Variants in PAPOLA observed in about 807,000 individuals in gnomAD.
PAPOLA encodes poly(A) polymerase alpha.
Under a neutral mutation model 100.6 loss-of-function variants are expected in PAPOLA, and 15 were observed. That is an observed-to-expected ratio of 0.15 (90% CI 0.10 to 0.23). The LOEUF is 0.23. Ranked by LOEUF, PAPOLA falls within the 10% of genes least tolerant of loss-of-function variation. The pLI is 1.00. For synonymous variants in PAPOLA, 293 were observed against 300.0 expected (o/e 0.98, Z 0.24); for missense variants, 533 against 884.2 (o/e 0.60, Z 5.04).
chr14:96,507,254 T>TA (rs1338803390), intron 1 of PAPOLA, among the ~76,000 whole-genome samples: 1 of 151,814 alleles, frequency 6.6e-6, no homozygotes, highest in Non-Finnish European at 1.5e-5. Context: ...ATGCCATTCT[T>TA]ACTAAATTTT....
intron 1 of PAPOLA, 34 bp from the exon 2 acceptor site, chr14:96,520,021 T>C: frequency 6.5e-7 from 1 of 1,527,984 alleles, no homozygotes; most frequent in Non-Finnish European, 8.9e-7. Flanking sequence ...TGTAGAATTC[T>C]TTTGGCAGTA....
chr14:96,535,926 A>G lies in PAPOLA; in HGVS notation c.957A>G (p.Ala319=), dbSNP rs1208808704. The G allele has an allele frequency of 2.5e-6, 4 of 1,609,076 alleles. No homozygotes were observed. The African/African-American group carries it at 4.0e-5, about 16-fold the overall frequency. ...ATCTTATGCCTATAATTACACCAGC[A>G]TACCCACAACAGAACTCCACGTACA... ...RYHLMPIITP[A]YPQQNSTYNV... The change falls in exon 11 of 22, where the codon GCA becomes GCG. Residue 319 remains alanine (A), a synonymous_variant. Transcript: ENST00000216277.
intron 19 of PAPOLA, among the ~76,000 whole-genome samples, chr14:96,559,596 TACAC>T (rs1220536430): frequency 1.4e-5 from 2 of 145,534 alleles, no homozygotes; most frequent in Non-Finnish European, 3.0e-5. Context: ...TATATATATA[TACAC>T]ACACACATAT....
intron 14 of PAPOLA, among the ~76,000 whole-genome samples, chr14:96,543,468 A>G (rs2140305601): frequency 6.6e-6 from 1 of 152,210 alleles, no homozygotes; most frequent in South Asian, 2.1e-4. Context: ...GGAGAGTACT[A>G]GTAATGAGCT....
intron 1 of PAPOLA, among the ~76,000 whole-genome samples, chr14:96,516,645 T>C (rs544692223): frequency 6.6e-6 from 1 of 152,352 alleles, no homozygotes; most frequent in East Asian, 1.9e-4. Flanking sequence ...GGCTCATATA[T>C]ATTCTTTCTT....
rs535214622 is a variant in PAPOLA at position 96,514,182 on chromosome 14, T to G, written c.9-5873T>G. Among the ~76,000 whole-genome samples, 23 of 147,466 alleles carry G rather than the reference T, an allele frequency of 1.6e-4. No individual in the cohort carries two copies. The South Asian group carries it at 4.9e-3, about 31-fold the overall frequency. ...CTTGCACTATTTGCATTAGGTATCT[T>G]TTTTTTTTTTTTTTGAGACTGAGTC... On this transcript the variant is annotated intron_variant, in intron 1 of 21. Coordinates refer to ENST00000216277, the MANE Select transcript of PAPOLA (RefSeq NM_032632.5).
chr14:96,548,795 G>C (rs1274535163), intron 16 of PAPOLA, among the ~76,000 whole-genome samples: 2 of 152,234 alleles, frequency 1.3e-5, no homozygotes, highest in East Asian at 3.9e-4. Flanking sequence ...TGGTTGTCTG[G>C]GATTGGGGTT....
intron 14 of PAPOLA, among the ~76,000 whole-genome samples, chr14:96,543,170 CTG>C (rs1900128604): frequency 6.6e-6 from 1 of 152,108 alleles, no homozygotes; most frequent in Admixed American, 6.5e-5. Context: ...TGCTTTAATA[CTG>C]TCTTTACCAT....
intron 17 of PAPOLA, chr14:96,553,526 A>AG (rs1428185960): frequency 6.6e-6 from 1 of 152,242 alleles, no homozygotes; most frequent in Non-Finnish European, 1.5e-5. Flanking sequence ...AAAAAAAAAA[A>AG]AAAAAATTTT....
intron 16 of PAPOLA, among the ~76,000 whole-genome samples, chr14:96,552,239 G>A (rs530501528): frequency 2.6e-5 from 4 of 152,014 alleles, no homozygotes; most frequent in Admixed American, 6.5e-5. Flanking sequence ...CATTTAATAC[G>A]GCATTTCTTT....
chr14:96,565,129 G>C lies in PAPOLA; in HGVS notation c.*79G>C, dbSNP rs1595566386. ...AAATGCTAAAAAAGGAGAATGGAGG[G>C]TACAAGACTAGACATGACTGAAATG... On this transcript the variant is annotated 3_prime_UTR_variant, in exon 22 of 22. Transcript: ENST00000216277. 8.5e-6 allele frequency: 7 copies of C among 818,768 alleles called. No homozygotes were observed. The highest frequency in any genetic ancestry group is 1.5e-5 in the Non-Finnish European group (7 of 465,432). The allele number at this position is 818,768 out of a possible 1,614,324, so 50.7% of individuals were successfully genotyped here.
chr14:96,554,702 A>T (rs1427211984), intron 17 of PAPOLA, among the ~76,000 whole-genome samples: 1 of 152,176 alleles, frequency 6.6e-6, no homozygotes, highest in Non-Finnish European at 1.5e-5. Context: ...TTAGGAGGTA[A>T]TAAAACCGTG....
intron 19 of PAPOLA, 101 bp downstream of exon 19, chr14:96,556,514 A>G (rs1901349183): frequency 1.2e-6 from 1 of 807,294 alleles, no homozygotes; most frequent in Non-Finnish European, 2.0e-6. Flanking sequence ...GAGAAGGATC[A>G]AGGAACAAAG....
At chr14:96,533,069 C>T in intron 9 of PAPOLA, 1 of 977,412 alleles carries the variant, frequency 1.0e-6, no homozygotes, top group Non-Finnish European at 1.2e-6. Context: ...ATTTATTTGG[C>T]CTAATATTAA....
chr14:96,537,925 T>C (rs1301810608), intron 12 of PAPOLA: 1 of 152,042 alleles, frequency 6.6e-6, no homozygotes, highest in African/African-American at 2.4e-5. Flanking sequence ...GTGTTTTGTT[T>C]CTGTATCTTT....
At chr14:96,520,418 C>G (rs1897853672) in intron 2 of PAPOLA, among the ~76,000 whole-genome samples, 190 bp downstream of exon 2, 3 of 152,160 alleles carry the variant, frequency 2.0e-5, no homozygotes, top group South Asian at 4.1e-4. Context: ...GCTCGTTACC[C>G]AGGCTGGAGT....
chr14:96,532,779 G>T, intron 9 of PAPOLA, 130 bp downstream of exon 9: 1 of 1,394,748 alleles, frequency 7.2e-7, no homozygotes, highest in Non-Finnish European at 9.2e-7. Flanking sequence ...AGGCAGCCTT[G>T]GAGATCACAT....
At chr14:96,541,585 T>C (rs1899995607) in intron 12 of PAPOLA, among the ~76,000 whole-genome samples, 1 of 152,228 alleles carries the variant, frequency 6.6e-6, no homozygotes, top group Non-Finnish European at 1.5e-5. Context: ...GATGCTATTT[T>C]CTGAAGTGAA....
At chr14:96,507,280 G>GTTTTTTTTTTTTTTTTTTTTTTTTT (rs71103533) in intron 1 of PAPOLA, among the ~76,000 whole-genome samples, 2 of 80,704 alleles carry the variant, frequency 2.5e-5, no homozygotes, top group African/African-American at 1.1e-4. Flanking sequence ...TTGGAAAATA[G>GTTTTTTTTTTTTTTTTTTTTTTTTT]TTTTTTTTTT....
Sources: allele counts gnomAD v4.1 joint callset (sites outside exome capture counted in the v4.1 genomes callset), GRCh38; gene constraint gnomAD v4.1.1; transcripts MANE v1.5; gene names NCBI Gene and HGNC (gene_info 2026-07-23, HGNC 2026-07-21).